Variants in GLS observed in about 807,000 individuals in gnomAD.
GLS encodes glutaminase.
A neutral mutation model predicts 86.7 loss-of-function variants in GLS; 36 were observed. The observed-to-expected ratio is 0.42, with a 90% CI of 0.32 to 0.55. The LOEUF (loss-of-function observed/expected upper bound fraction) is 0.55, where lower values mean the gene tolerates loss of function less well. GLS is among the 20% of genes least tolerant of loss of function. GLS has a pLI of 0.17. For missense variants in GLS, 528 were observed against 833.4 expected (o/e 0.63, Z 4.51); for synonymous variants, 317 against 305.9 (o/e 1.04, Z -0.38).
At chr2:190,932,819 CAACTGTAGT>C in intron 14 of GLS, 1 of 1,602,854 alleles carries the variant, frequency 6.2e-7, no homozygotes, top group Non-Finnish European at 8.5e-7. Context: ...GACATCTCTA[CAACTGTAGT>C]ATATAGAATG....
chr2:190,881,059 G>A lies in GLS; in HGVS notation c.-26G>A. The A allele has an allele frequency of 6.5e-7, 1 of 1,539,294 alleles. No individual in the cohort carries two copies. The highest frequency in any genetic ancestry group is 1.4e-5 in the African/African-American group (1 of 73,308). On this transcript the variant is annotated 5_prime_UTR_variant, in exon 1 of 18. Transcript: ENST00000320717. ...CACGCCCGGAGCATCCTCCCCTGTT[G>A]AGCGGGCGCTGACGGACCCGGCGGC...
rs1280117515 is a variant in GLS at position 190,954,564 on chromosome 2, C to T, written c.1713-20C>T. 2 of 1,556,132 alleles carry T rather than the reference C, an allele frequency of 1.3e-6. No individual in the cohort carries two copies. The highest frequency in any genetic ancestry group is 3.4e-5 in the Admixed American group (2 of 58,542). ...AATTTGCTTTATATATAATAAATAG[C>T]TGTGCTTACACATTTTCAGATTTGC... On this transcript the variant is annotated intron_variant, in intron 15 of 17. Coordinates refer to ENST00000320717, the MANE Select transcript of GLS (RefSeq NM_014905.5). The surrounding 1 kb of genome is among the most constrained non-coding windows in gnomAD (Gnocchi z 4.0).
Position 190,918,882 on chromosome 2 carries a change from A to C in GLS, c.1039-2142A>C, listed in dbSNP as rs372844354. On this transcript the variant is annotated intron_variant, in intron 7 of 17. Transcript: ENST00000320717. The stretch of plus-strand genomic sequence containing the variant: ...GAGAGGGAGAGAGATGGGAATGAAC[A>C]ATCAGTGAAGCAGTCAGAACATATA... Among the ~76,000 whole-genome samples the C allele has an allele frequency of 3.0e-4, 45 of 152,276 alleles. No homozygotes were observed. In the East Asian group the frequency reaches 3.1e-3, roughly 10 times the overall value.
intron 12 of GLS, among the ~76,000 whole-genome samples, chr2:190,928,336 T>G (rs1452039315): frequency 6.6e-6 from 1 of 151,300 alleles, no homozygotes; most frequent in African/African-American, 2.4e-5. Flanking sequence ...AATTATTATT[T>G]CTTTTTTTTT....
chr2:190,939,263 A>G (rs1201296071), intron 14 of GLS, among the ~76,000 whole-genome samples: 4 of 151,626 alleles, frequency 2.6e-5, no homozygotes, highest in African/African-American at 9.7e-5. Context: ...GAGTTTTAAT[A>G]TTTATGAAGG....
intron 7 of GLS, among the ~76,000 whole-genome samples, chr2:190,917,864 GGATT>G (rs1399798756): frequency 6.6e-6 from 1 of 151,950 alleles, no homozygotes; most frequent in Non-Finnish European, 1.5e-5. Flanking sequence ...TGAGGTAAGA[GGATT>G]GCTTGAGCCC....
intron 3 of GLS, among the ~76,000 whole-genome samples, chr2:190,898,901 T>A (rs1189086453): frequency 6.6e-6 from 1 of 152,254 alleles, no homozygotes; most frequent in Non-Finnish European, 1.5e-5. Flanking sequence ...GTGCTGGGAT[T>A]ATAGGCGTGA....
Position 190,955,608 on chromosome 2 carries a change from T to C in GLS, c.1853+790T>C, listed in dbSNP as rs750840373. Among the ~76,000 whole-genome samples, 1 of 152,226 alleles carries C rather than the reference T, an allele frequency of 6.6e-6. No homozygotes were observed. The highest frequency in any genetic ancestry group is 1.5e-5 in the Non-Finnish European group (1 of 68,044). ...AAACATACATGTGCATGTGTCTTTA[T>C]AGTAGAATGATTTATAATCTTTTGG... On this transcript the variant is annotated intron_variant, in intron 17 of 17. Transcript: ENST00000320717. The surrounding 1 kb of genome is among the most constrained non-coding windows in gnomAD (Gnocchi z 5.6).
chr2:190,934,306 T>G (rs914410482), intron 14 of GLS: 1 of 963,066 alleles, frequency 1.0e-6, no homozygotes, highest in African/African-American at 1.8e-5. Flanking sequence ...CATAATGTCT[T>G]AAGTTTGGGA....
Position 190,930,598 on chromosome 2 carries a change from G to T in GLS, c.1557+30G>T. On this transcript the variant is annotated intron_variant, in intron 13 of 17. Coordinates refer to ENST00000320717, the MANE Select transcript of GLS (RefSeq NM_014905.5). This position sits in a 1 kb window ranked among gnomAD's most constrained non-coding sequence, Gnocchi z 5.0. Reference sequence around the variant, plus strand: ...GCATATTTTCTTAATGTAAATAATGGTGTTACAAGTTGAGCCATCCAATGA... The same window carrying T: ...GCATATTTTCTTAATGTAAATAATGTTGTTACAAGTTGAGCCATCCAATGA... 6.3e-7 allele frequency: 1 copy of T among 1,582,384 alleles called. No homozygotes were observed. The highest frequency in any genetic ancestry group is 1.4e-5 in the African/African-American group (1 of 73,262).
intron 1 of GLS, among the ~76,000 whole-genome samples, chr2:190,894,683 T>G (rs1688669685): frequency 6.6e-6 from 1 of 152,230 alleles, no homozygotes; most frequent in Non-Finnish European, 1.5e-5. Context: ...AACTACTGTG[T>G]AGTAGTTAAT....
chr2:190,902,502 A>C (rs538108636), intron 5 of GLS, among the ~76,000 whole-genome samples: 1 of 152,196 alleles, frequency 6.6e-6, no homozygotes, highest in Non-Finnish European at 1.5e-5. Context: ...GTAGGATTTC[A>C]TGAAGTCCAT....
In GLS at chr2:190,920,225, T is replaced by TA. The variant is rs1235151900; in HGVS notation, c.1039-798dup. On this transcript the variant is annotated intron_variant, in intron 7 of 17. Transcript: ENST00000320717. This position sits in a 1 kb window ranked among gnomAD's most constrained non-coding sequence, Gnocchi z 4.2. ...TACGTTTGATTTCAGATCTACAACT[T>TA]ACTGCTTTGTAAACTTCGCCGAGGT... 6.6e-6 allele frequency: 1 copy of TA among 151,990 alleles called. No homozygotes were observed. The highest frequency in any genetic ancestry group is 1.5e-5 in the Non-Finnish European group (1 of 67,826). 9.4% of individuals were successfully genotyped at this position (151,990 alleles called of 1,614,324 possible). A position where few individuals can be genotyped will look rare whatever the true frequency, so the allele number is the denominator to read the frequency against.
rs1199956585 is a variant in GLS, at chr2:190,936,347, A to G, written c.1650+4710A>G. 4.0e-5 allele frequency among the ~76,000 whole-genome samples: 6 copies of G among 151,234 alleles called. No individual in the cohort carries two copies. The East Asian group carries it at 1.2e-3, about 29-fold the overall frequency. On this transcript the variant is annotated intron_variant, in intron 14 of 17. Coordinates refer to ENST00000320717, the MANE Select transcript of GLS (RefSeq NM_014905.5). ...GTGTGGGTTGCATATGTTTGTGCAT[A>G]TGTATATACGTTTGTGCATACATAT...
At chr2:190,942,327 G>A (rs527519617) in intron 14 of GLS, among the ~76,000 whole-genome samples, 8 of 151,838 alleles carry the variant, frequency 5.3e-5, no homozygotes, top group East Asian at 1.9e-4. Flanking sequence ...TGATCCGCCC[G>A]CCTCGGTCTC....
rs1277696448 is a variant in GLS at position 190,955,295 on chromosome 2, C to G, written c.1853+477C>G. Reference sequence around the variant, plus strand: ...TCCCTCCCTTACCCTGACCCCCAAACAGGCCCTGGTGTGTGATGTTCCCCT... The same window carrying G: ...TCCCTCCCTTACCCTGACCCCCAAAGAGGCCCTGGTGTGTGATGTTCCCCT... On this transcript the variant is annotated intron_variant, in intron 17 of 17. Coordinates refer to ENST00000320717, the MANE Select transcript of GLS (RefSeq NM_014905.5). The surrounding 1 kb of genome is among the most constrained non-coding windows in gnomAD (Gnocchi z 5.6). Among the ~76,000 whole-genome samples, 1 of 152,154 alleles carries G rather than the reference C, an allele frequency of 6.6e-6. No individual in the cohort carries two copies. The highest frequency in any genetic ancestry group is 1.5e-5 in the Non-Finnish European group (1 of 68,022).
intron 14 of GLS, among the ~76,000 whole-genome samples, chr2:190,942,912 C>T (rs1413738369): frequency 6.6e-6 from 1 of 152,142 alleles, no homozygotes; most frequent in African/African-American, 2.4e-5. Flanking sequence ...TCTTAGAAAT[C>T]ACGCCTATCA....
At position 190,920,245 on chromosome 2, in the gene GLS, C is replaced by T. The variant is rs558425341; in HGVS notation, c.1039-779C>T. 1.3e-5 allele frequency: 2 copies of T among 151,858 alleles called. No homozygotes were observed. The highest frequency in any genetic ancestry group is 3.0e-5 in the Non-Finnish European group (2 of 67,762). 9.4% of individuals were successfully genotyped at this position (151,858 alleles called of 1,614,324 possible). A position where few individuals can be genotyped will look rare whatever the true frequency, so the allele number is the denominator to read the frequency against. Reference sequence around the variant, plus strand: ...CAACTTACTGCTTTGTAAACTTCGCCGAGGTAAAATGAAACCATTTGGCTA... The same window carrying T: ...CAACTTACTGCTTTGTAAACTTCGCTGAGGTAAAATGAAACCATTTGGCTA... On this transcript the variant is annotated intron_variant, in intron 7 of 17. Coordinates refer to ENST00000320717, the MANE Select transcript of GLS (RefSeq NM_014905.5). This position sits in a 1 kb window ranked among gnomAD's most constrained non-coding sequence, Gnocchi z 4.2.
intron 5 of GLS, among the ~76,000 whole-genome samples, chr2:190,902,836 TTTG>T (rs763382077): frequency 6.6e-6 from 1 of 152,186 alleles, no homozygotes; most frequent in African/African-American, 2.4e-5. Context: ...GATATATTCC[TTTG>T]TTTTTTGTTT....
Sources: allele counts gnomAD v4.1 joint callset (sites outside exome capture counted in the v4.1 genomes callset), GRCh38; gene constraint gnomAD v4.1.1; non-coding constraint Gnocchi (gnomAD v3.1); transcripts MANE v1.5; gene names NCBI Gene and HGNC (gene_info 2026-07-23, HGNC 2026-07-21).